Variants in NALF1 observed in about 807,000 individuals in gnomAD.
NALF1 encodes family with sequence similarity 155 member A.
In NALF1, 3 loss-of-function variants were observed where a neutral mutation model predicts 48.4. That is an observed-to-expected ratio of 0.06 (90% CI 0.03 to 0.16). NALF1 has a LOEUF of 0.16. NALF1 is among the 10% of genes least tolerant of loss of function. The probability of loss-of-function intolerance (pLI) is 1.00; values close to 1 mark genes in which losing one functional copy is unlikely to be tolerated. For synonymous variants in NALF1, 262 were observed against 245.7 expected (o/e 1.07, Z -0.62); for missense variants, 526 against 571.5 (o/e 0.92, Z 0.81).
intron 1 of NALF1, among the ~76,000 whole-genome samples, chr13:107,517,349 G>C (rs1876090347): frequency 6.6e-6 from 1 of 152,136 alleles, no homozygotes; most frequent in South Asian, 2.1e-4. Context: ...TAAAACTTAA[G>C]GCCAGGCACA....
chr13:107,705,407 C>A (rs542240509), intron 1 of NALF1, among the ~76,000 whole-genome samples: 1 of 152,084 alleles, frequency 6.6e-6, no homozygotes, highest in Admixed American at 6.6e-5. Flanking sequence ...TGTGAGACAG[C>A]GTGCACACAG....
At chr13:107,348,441 T>G (rs2138942254) in intron 1 of NALF1, among the ~76,000 whole-genome samples, 1 of 152,292 alleles carries the variant, frequency 6.6e-6, no homozygotes, top group South Asian at 2.1e-4. Flanking sequence ...TTTTTAAAAT[T>G]TTACTTTAAC....
intron 1 of NALF1, among the ~76,000 whole-genome samples, chr13:107,670,833 G>A (rs1880973085): frequency 6.6e-6 from 1 of 152,090 alleles, no homozygotes; most frequent in Non-Finnish European, 1.5e-5. Flanking sequence ...GTAATACCCA[G>A]TGCTGGTAGA....
At chr13:107,220,188 T>C (rs973142347) in intron 1 of NALF1, among the ~76,000 whole-genome samples, 1 of 152,248 alleles carries the variant, frequency 6.6e-6, no homozygotes, top group Non-Finnish European at 1.5e-5. Context: ...GATTTTGTCA[T>C]TGCATTTGCT....
Position 107,579,333 on chromosome 13 carries a change from C to T in NALF1, c.915+286349G>A, listed in dbSNP as rs9559065. Among the ~76,000 whole-genome samples, 3,136 of 152,282 alleles carry T rather than the reference C, an allele frequency of 0.021. 218 individuals carry two copies. The East Asian group carries it at 0.26, about 13-fold the overall frequency. ...CTTGAACTCCTGACCACAGATGATC[C>T]GCCTGCCTAGGCCTCCCAAAGTGCT... On this transcript the variant is annotated intron_variant, in intron 1 of 2. Transcript: ENST00000375915.
intron 1 of NALF1, among the ~76,000 whole-genome samples, chr13:107,744,721 A>G (rs925728905): frequency 6.6e-6 from 1 of 152,228 alleles, no homozygotes; most frequent in Non-Finnish European, 1.5e-5. Context: ...TGTGCTTTCT[A>G]TGAAAGTGAT....
chr13:107,735,937 T>A (rs886159713), intron 1 of NALF1, among the ~76,000 whole-genome samples: 1 of 152,152 alleles, frequency 6.6e-6, no homozygotes, highest in African/African-American at 2.4e-5. Context: ...TAGTAACTTT[T>A]CTCTGCTCTG....
rs1417910278 is a variant in NALF1 at position 107,166,493 on chromosome 13, CT to C, written c.*4003del. ...TCTAAATAAATAAAACAAAATGCAGCTTTCAGTTCTGTGTTGATTTAATGCT... is the reference window on the plus strand; with the variant it reads ...TCTAAATAAATAAAACAAAATGCAGCTTCAGTTCTGTGTTGATTTAATGCT... On this transcript the variant is annotated 3_prime_UTR_variant, in exon 3 of 3. Coordinates refer to ENST00000375915, the MANE Select transcript of NALF1 (RefSeq NM_001080396.3). The C allele has an allele frequency of 1.3e-5, 2 of 152,150 alleles. No individual in the cohort carries two copies. The highest frequency in any genetic ancestry group is 4.8e-5 in the African/African-American group (2 of 41,430). The allele number at this position is 152,150 out of a possible 1,614,324, so 9.4% of individuals were successfully genotyped here. A position where few individuals can be genotyped will look rare whatever the true frequency, so the allele number is the denominator to read the frequency against.
At chr13:107,426,285 A>G (rs1285277215) in intron 1 of NALF1, among the ~76,000 whole-genome samples, 1 of 152,212 alleles carries the variant, frequency 6.6e-6, no homozygotes, top group Non-Finnish European at 1.5e-5. Context: ...AGGTTGTAGA[A>G]TGAGGTTTCT....
intron 1 of NALF1, among the ~76,000 whole-genome samples, chr13:107,808,669 T>A (rs1436903088): frequency 4.7e-5 from 7 of 147,486 alleles, no homozygotes; most frequent in Non-Finnish European, 4.5e-5. Context: ...TATACAGATT[T>A]AAAAAAAAAA....
At chr13:107,525,985 T>C (rs768081183) in intron 1 of NALF1, among the ~76,000 whole-genome samples, 4 of 152,166 alleles carry the variant, frequency 2.6e-5, no homozygotes, top group Non-Finnish European at 4.4e-5. Flanking sequence ...AATTGGTTTG[T>C]TTCTGTTTTC....
At chr13:107,378,164 C>T (rs1256412007) in intron 1 of NALF1, among the ~76,000 whole-genome samples, 2 of 152,116 alleles carry the variant, frequency 1.3e-5, no homozygotes, top group African/African-American at 4.8e-5. Context: ...TTACAATAGT[C>T]TTTATTTTAC....
intron 1 of NALF1, among the ~76,000 whole-genome samples, chr13:107,719,619 G>A (rs908454264): frequency 1.3e-5 from 2 of 151,892 alleles, no homozygotes; most frequent in African/African-American, 2.4e-5. Flanking sequence ...ATGAAACCAC[G>A]GCTCTTCTCT....
At chr13:107,556,338 C>CACACATAT (rs1388322372) in intron 1 of NALF1, among the ~76,000 whole-genome samples, 1 of 147,586 alleles carries the variant, frequency 6.8e-6, no homozygotes, top group African/African-American at 2.5e-5. Context: ...TATACACACA[C>CACACATAT]ATATATATAT....
At chr13:107,788,252 C>T (rs559411343) in intron 1 of NALF1, 4 of 152,244 alleles carry the variant, frequency 2.6e-5, no homozygotes, top group Admixed American at 2.6e-4. Flanking sequence ...TTATTATCTG[C>T]GTGTCTCATT....
At chr13:107,842,173 T>G (rs1018258265) in intron 1 of NALF1, among the ~76,000 whole-genome samples, 1 of 152,010 alleles carries the variant, frequency 6.6e-6, no homozygotes, top group Non-Finnish European at 1.5e-5. Context: ...ATCATTGATA[T>G]AAACATGGCC....
At chr13:107,847,355 G>C (rs1347611226) in intron 1 of NALF1, among the ~76,000 whole-genome samples, 1 of 152,120 alleles carries the variant, frequency 6.6e-6, no homozygotes, top group Non-Finnish European at 1.5e-5. Flanking sequence ...TAATGTAACG[G>C]ATGTGCAAAC....
At chr13:107,533,806 T>C (rs1876717698) in intron 1 of NALF1, among the ~76,000 whole-genome samples, 1 of 152,160 alleles carries the variant, frequency 6.6e-6, no homozygotes, top group Admixed American at 6.5e-5. Flanking sequence ...GATCATGTCT[T>C]CCGTTAAGGT....
chr13:107,808,097 A>G (rs1271187104), intron 1 of NALF1, among the ~76,000 whole-genome samples: 5 of 152,154 alleles, frequency 3.3e-5, no homozygotes, highest in African/African-American at 4.8e-5. Context: ...GGCTACAAGA[A>G]TCGATAACAA....
Sources: allele counts gnomAD v4.1 joint callset (sites outside exome capture counted in the v4.1 genomes callset), GRCh38; gene constraint gnomAD v4.1.1; transcripts MANE v1.5; gene names NCBI Gene and HGNC (gene_info 2026-07-23, HGNC 2026-07-21).